MARF1: variants seen among roughly 807,000 people sequenced by gnomAD.
The protein encoded by MARF1 is meiosis regulator and mRNA stability factor 1, also known as limkain-b1.
A neutral mutation model predicts 168.2 loss-of-function variants in MARF1; 24 were observed. The ratio of observed to expected loss-of-function variants is 0.14; its 90% CI spans 0.10 to 0.20. The LOEUF is 0.20. Ranked by LOEUF, MARF1 falls within the 10% of genes least tolerant of loss-of-function variation. The pLI is 1.00. For missense variants in MARF1, 1,744 were observed against 2,143.6 expected (o/e 0.81, Z 3.68); for synonymous variants, 868 against 822.4 (o/e 1.06, Z -0.95).
At position 15,604,176 on chromosome 16, in the gene MARF1, A is replaced by G; in HGVS notation, c.4405T>C (p.Leu1469=). 1 of 1,612,382 alleles carries G rather than the reference A, an allele frequency of 6.2e-7. No individual in the cohort carries two copies. Among genetic ancestry groups the G allele is most frequent in the Middle Eastern group, 1.7e-4 (1 of 6,054 alleles). The change falls in exon 22 of 27, where the codon TTG becomes CTG. Residue 1469 remains leucine, a synonymous_variant. Transcript: ENST00000396368. ...GCCATTAACGTGCCTACCTCAACCA[A>G]GTATGGCAGGCTCTTCAGCAGTTCG... ...LTELLKSLPY[L]VEVFTNDKME... is the part of the protein sequence containing the mutation.
Position 15,609,529 on chromosome 16 carries a change from A to C in MARF1, c.3948T>G (p.Thr1316=). 6.2e-7 allele frequency: 1 copy of C among 1,611,842 alleles called. No individual in the cohort carries two copies. Among genetic ancestry groups the C allele is most frequent in the Admixed American group, 1.7e-5 (1 of 59,902 alleles). ...LLELFEAIPD[T]LQVLECGEEK... The stretch of plus-strand genomic sequence containing the variant: ...TTAGAATTTCTTCACTCACTTGTAA[A>C]GTATCAGGTATGGCTTCAAAAAGTT... The change falls in exon 20 of 27, where the codon ACT becomes ACG. Residue 1316 remains threonine (T), a synonymous_variant. Coordinates refer to ENST00000396368, the MANE Select transcript of MARF1 (RefSeq NM_014647.4).
At chr16:15,612,097 G>A (rs1394206296) in intron 17 of MARF1, among the ~76,000 whole-genome samples, 3 of 152,236 alleles carry the variant, frequency 2.0e-5, no homozygotes, top group Non-Finnish European at 4.4e-5. Context: ...GTGGGAAGCT[G>A]TTATAACACT....
At chr16:15,641,393 C>T (rs2035945227) in intron 1 of MARF1, among the ~76,000 whole-genome samples, 1 of 152,146 alleles carries the variant, frequency 6.6e-6, no homozygotes, top group African/African-American at 2.4e-5. Context: ...CCCCAAAAAA[C>T]TCCTCTCAAA....
At chr16:15,624,021 C>T (rs1157256884) in intron 10 of MARF1, among the ~76,000 whole-genome samples, 2 of 151,540 alleles carry the variant, frequency 1.3e-5, no homozygotes, top group African/African-American at 4.9e-5. Context: ...ATGCCATTCT[C>T]CTGCCTCAGC....
Position 15,601,211 on chromosome 16 carries a change from A to G in MARF1, c.4627-510T>C, listed in dbSNP as rs148443143. The G allele has an allele frequency of 4.1e-3, 1,611 of 388,456 alleles. 65 individuals carry two copies. In the Admixed American group the frequency reaches 0.049, roughly 12 times the overall value. The allele number at this position is 388,456 out of a possible 1,614,324, so 24.1% of individuals were successfully genotyped here. On this transcript the variant is annotated intron_variant, in intron 23 of 26. Transcript: ENST00000396368. ...CCCCCTACATGTGCACACCGTCGCCAGGTCACTGATCTCAGCTCCCAGGCA... is the reference window on the plus strand; with the variant it reads ...CCCCCTACATGTGCACACCGTCGCCGGGTCACTGATCTCAGCTCCCAGGCA...
In MARF1 at chr16:15,635,535, T is replaced by C. The variant is rs1309454961; in HGVS notation, c.831+121A>G. 4 of 862,098 alleles carry C rather than the reference T, an allele frequency of 4.6e-6. No individual in the cohort carries two copies. In the African/African-American group the frequency reaches 6.9e-5, roughly 15 times the overall value. The allele number at this position is 862,098 out of a possible 1,614,324, so 53.4% of individuals were successfully genotyped here. A position where few individuals can be genotyped will look rare whatever the true frequency, so the allele number is the denominator to read the frequency against. On this transcript the variant is annotated intron_variant, in intron 3 of 26. Transcript: ENST00000396368. ...AGCAAAAATTATGCTGATGGGGAGA[T>C]TCCCCTATACCATGGGAGAATCTTC...
intron 2 of MARF1, among the ~76,000 whole-genome samples, chr16:15,637,658 A>G (rs1366699718): frequency 6.6e-6 from 1 of 152,200 alleles, no homozygotes; most frequent in Non-Finnish European, 1.5e-5. Context: ...CAAGATCTGT[A>G]AAGTTGACCG....
At chr16:15,612,843 G>A in intron 16 of MARF1, 66 bp from the exon 17 acceptor site, 1 of 1,352,580 alleles carries the variant, frequency 7.4e-7, no homozygotes, top group Non-Finnish European at 1.1e-6. Flanking sequence ...AAGGGAAAAT[G>A]GCCCTGCAGT....
chr16:15,614,348 T>C (rs1434248762), intron 16 of MARF1, among the ~76,000 whole-genome samples: 1 of 148,148 alleles, frequency 6.8e-6, no homozygotes, highest in Non-Finnish European at 1.5e-5. Context: ...CCGGGCGTGG[T>C]GGCAGGCGTC....
At chr16:15,608,260 GA>G (rs748965777) in intron 21 of MARF1, 30 bp downstream of exon 21, 95,334 of 812,818 alleles carry the variant, frequency 0.12, 69 homozygotes, top group African/African-American at 0.14. Context: ...TCCCATGAGG[GA>G]AAAAAAAAAA....
At chr16:15,630,223 T>C (rs73504836) in intron 7 of MARF1, 109 bp downstream of exon 7, 11,405 of 940,646 alleles carry the variant, frequency 0.012, 608 homozygotes, top group African/African-American at 0.12. Context: ...AACCCACCTC[T>C]TACAAAGAAC....
intron 17 of MARF1, among the ~76,000 whole-genome samples, chr16:15,611,968 T>C (rs2033603099): frequency 6.6e-6 from 1 of 152,176 alleles, no homozygotes; most frequent in Non-Finnish European, 1.5e-5. Flanking sequence ...CAAACAGTCG[T>C]TGAGTATAAA....
rs764719534 is a variant in MARF1, at chr16:15,604,338, G to C, written c.4243C>G (p.Leu1415Val). Residue 1415 changes from leucine to valine, a missense_variant, in exon 22 of 27, where the codon CTC becomes GTC. Around this residue, in one of 7 missense-constraint regions of MARF1, gnomAD observed 74 missense variants for 66.7 expected, o/e 1.11. Coordinates refer to ENST00000396368, the MANE Select transcript of MARF1 (RefSeq NM_014647.4). Reference sequence around the variant, plus strand: ...AACAATACCAGCAACTGGGCAGTGAGAGATCGCAGAGACTTTCGGTTGATC... The same window carrying C: ...AACAATACCAGCAACTGGGCAGTGACAGATCGCAGAGACTTTCGGTTGATC... ...QLINRKSLRS[L>V]TAQLLVLLMS... 1 of 1,614,176 alleles carries C rather than the reference G, an allele frequency of 6.2e-7. No homozygotes were observed. Among genetic ancestry groups the C allele is most frequent in the Admixed American group, 1.7e-5 (1 of 60,020 alleles).
intron 17 of MARF1, 148 bp downstream of exon 17, chr16:15,612,409 G>A (rs2033650981): frequency 7.3e-6 from 5 of 689,240 alleles, no homozygotes; most frequent in African/African-American, 1.8e-5. Context: ...GCCTGTGTGT[G>A]TTATTCCTGC....
At chr16:15,632,054 T>C (rs890314118) in intron 5 of MARF1, among the ~76,000 whole-genome samples, 7 of 152,232 alleles carry the variant, frequency 4.6e-5, no homozygotes, top group African/African-American at 1.7e-4. Flanking sequence ...CTTATTACTA[T>C]TGGGAATGGT....
Position 15,617,362 on chromosome 16 carries a change from A to G in MARF1, c.2894T>C (p.Ile965Thr), listed in dbSNP as rs748972606. ...DGSSTNCSPI[I>T]FEELEYHEPV... ...CTCGTGATATTCTAACTCTTCAAAT[A>G]TAATTGGGCTGCAATTCGTGGAGGA... Residue 965 changes from isoleucine to threonine, a missense_variant, in exon 14 of 27, where the codon ATA becomes ACA. Coordinates refer to ENST00000396368, the MANE Select transcript of MARF1 (RefSeq NM_014647.4). 1.5e-5 allele frequency: 24 copies of G among 1,614,050 alleles called. No homozygotes were observed. Among genetic ancestry groups the G allele is most frequent in the Non-Finnish European group, 1.8e-5 (21 of 1,180,032 alleles).
intron 23 of MARF1, 121 bp from the exon 24 acceptor site, chr16:15,600,822 G>T: frequency 1.0e-6 from 1 of 964,516 alleles, no homozygotes; most frequent in Non-Finnish European, 1.7e-6. Context: ...CTGAGTTACT[G>T]CCAAGAAGCA....
intron 21 of MARF1, among the ~76,000 whole-genome samples, chr16:15,607,906 C>T (rs1261618217): frequency 1.3e-5 from 2 of 152,188 alleles, no homozygotes; most frequent in Non-Finnish European, 2.9e-5. Context: ...GGAGAGGACA[C>T]TGTGTGATTA....
chr16:15,611,153 C>A, intron 18 of MARF1, 45 bp from the exon 19 acceptor site: 1 of 1,593,540 alleles, frequency 6.3e-7, no homozygotes, highest in Non-Finnish European at 8.6e-7. Flanking sequence ...GTAGTATCAT[C>A]GGTAGAAGAA....
Sources: allele counts gnomAD v4.1 joint callset (sites outside exome capture counted in the v4.1 genomes callset), GRCh38; gene constraint gnomAD v4.1.1; regional missense constraint gnomAD v4.1.1; transcripts MANE v1.5; gene names NCBI Gene and HGNC (gene_info 2026-07-23, HGNC 2026-07-21).